The following CDC123 variants were observed in gnomAD, a reference collection of about 807,000 sequenced individuals.
CDC123 encodes the protein translation initiation factor eIF2 assembly protein.
In CDC123, 37 loss-of-function variants were observed where a neutral mutation model predicts 54.4. That is an observed-to-expected ratio of 0.68 (90% confidence interval 0.52 to 0.89). The LOEUF (loss-of-function observed/expected upper bound fraction) is 0.89, where lower values mean the gene tolerates loss of function less well. Ranked by LOEUF, CDC123 falls within the 40% of genes least tolerant of loss-of-function variation. The pLI, the probability that CDC123 is intolerant of heterozygous loss-of-function variation, is 0.00. For missense variants in CDC123, 361 were observed against 412.1 expected (o/e 0.88, Z 1.07); for synonymous variants, 144 against 136.8 (o/e 1.05, Z -0.37).
chr10:12,226,521 C>T (rs1260162379), intron 6 of CDC123, among the ~76,000 whole-genome samples: 1 of 151,066 alleles, frequency 6.6e-6, no homozygotes, highest in Non-Finnish European at 1.5e-5. Context: ...GGCAGAGAGG[C>T]TCCTCACCTC....
At chr10:12,220,594 A>G (rs903348934) in intron 6 of CDC123, among the ~76,000 whole-genome samples, 13 of 152,378 alleles carry the variant, frequency 8.5e-5, no homozygotes, top group Admixed American at 6.5e-4. Context: ...AATCGGTTGC[A>G]TAACAGGAAG....
chr10:12,221,969 A>G (rs1835743422), intron 6 of CDC123, among the ~76,000 whole-genome samples: 2 of 152,120 alleles, frequency 1.3e-5, no homozygotes, highest in South Asian at 4.1e-4. Context: ...GTTAGATGAA[A>G]CACAGGTTCC....
chr10:12,219,909 C>G (rs1835712794), intron 6 of CDC123, among the ~76,000 whole-genome samples: 1 of 152,100 alleles, frequency 6.6e-6, no homozygotes. Flanking sequence ...AGGATGGTCT[C>G]CATCTCCTCA....
chr10:12,236,846 G>T (rs963792323), intron 8 of CDC123, among the ~76,000 whole-genome samples: 1 of 152,110 alleles, frequency 6.6e-6, no homozygotes, highest in African/African-American at 2.4e-5. Flanking sequence ...AGCCGAGATC[G>T]TGCCACTGCA....
intron 10 of CDC123, chr10:12,244,740 A>G (rs1836107341): frequency 6.7e-6 from 1 of 150,150 alleles, no homozygotes; most frequent in Non-Finnish European, 1.5e-5. Flanking sequence ...AGAAAACAGC[A>G]TCTTCAGGCT....
At chr10:12,248,441 G>A (rs1836189371) in intron 11 of CDC123, among the ~76,000 whole-genome samples, 1 of 151,380 alleles carries the variant, frequency 6.6e-6, no homozygotes, top group Non-Finnish European at 1.5e-5. Context: ...CCTGGAAGGC[G>A]GATGTTGCAG....
At chr10:12,210,696 A>G (rs534835108) in intron 4 of CDC123, among the ~76,000 whole-genome samples, 84 of 152,150 alleles carry the variant, frequency 5.5e-4, no homozygotes, top group African/African-American at 1.9e-3. Flanking sequence ...TTAGTTAGTT[A>G]GTTGTTTTGT....
chr10:12,236,286 A>C (rs1180164750), intron 8 of CDC123, among the ~76,000 whole-genome samples: 1 of 152,178 alleles, frequency 6.6e-6, no homozygotes, highest in Non-Finnish European at 1.5e-5. Context: ...AATTCCTTCC[A>C]TTTTACTAAA....
intron 6 of CDC123, among the ~76,000 whole-genome samples, chr10:12,227,072 G>A (rs370142158): frequency 5.1e-4 from 78 of 152,266 alleles, no homozygotes; most frequent in African/African-American, 1.8e-3. Context: ...CCACCAACAC[G>A]GCAAAACCCT....
At chr10:12,206,503 A>G (rs1835520683) in intron 2 of CDC123, among the ~76,000 whole-genome samples, 1 of 152,254 alleles carries the variant, frequency 6.6e-6, no homozygotes, top group South Asian at 2.1e-4. Flanking sequence ...AGCAAGAATT[A>G]CAAAGAGTTG....
chr10:12,225,083 A>G (rs560437319), intron 6 of CDC123, among the ~76,000 whole-genome samples: 5 of 152,070 alleles, frequency 3.3e-5, no homozygotes, highest in African/African-American at 1.2e-4. Context: ...AACTGCAGCT[A>G]CTCCTCAGAA....
At chr10:12,242,901 G>A (rs761017951) in intron 10 of CDC123, among the ~76,000 whole-genome samples, 3 of 151,664 alleles carry the variant, frequency 2.0e-5, no homozygotes, top group Non-Finnish European at 2.9e-5. Context: ...GAGATCGCGC[G>A]ACTGTACTCC....
chr10:12,202,843 C>T (rs1835458822), intron 2 of CDC123, among the ~76,000 whole-genome samples: 1 of 152,196 alleles, frequency 6.6e-6, no homozygotes, highest in Admixed American at 6.5e-5. Context: ...GGCGAAACCA[C>T]ATCTCTACTA....
chr10:12,241,378 A>T (rs1315005649), intron 10 of CDC123, among the ~76,000 whole-genome samples: 4 of 152,152 alleles, frequency 2.6e-5, no homozygotes, highest in Admixed American at 2.6e-4. Context: ...AATTTCAGCC[A>T]TCATTTTAAA....
At chr10:12,216,541 T>G (rs1835667714) in intron 5 of CDC123, among the ~76,000 whole-genome samples, 1 of 152,204 alleles carries the variant, frequency 6.6e-6, no homozygotes, top group African/African-American at 2.4e-5. Flanking sequence ...TTCAAATAGA[T>G]TTGGAAGCTT....
chr10:12,206,002 AT>A (rs1464247201), intron 2 of CDC123, among the ~76,000 whole-genome samples: 1 of 152,106 alleles, frequency 6.6e-6, no homozygotes, highest in Non-Finnish European at 1.5e-5. Context: ...GGGTTTCACT[AT>A]TTTGGCCAGG....
chr10:12,202,735 C>T (rs1357677699), intron 2 of CDC123, among the ~76,000 whole-genome samples: 1 of 152,224 alleles, frequency 6.6e-6, no homozygotes, highest in Non-Finnish European at 1.5e-5. Context: ...ATGTTACAGC[C>T]CTGGTGTGGT....
chr10:12,218,827 G>A (rs1352078631), intron 6 of CDC123, among the ~76,000 whole-genome samples: 3 of 152,194 alleles, frequency 2.0e-5, no homozygotes, highest in Non-Finnish European at 1.5e-5. Flanking sequence ...TGCAGTCAGC[G>A]TTGTAGGTGG....
rs2131776381 is a variant in CDC123, at chr10:12,250,576, C to T, written c.*239C>T. 1 of 449,844 alleles carries T rather than the reference C, an allele frequency of 2.2e-6. No individual in the cohort carries two copies. The highest frequency in any genetic ancestry group is 4.0e-6 in the Non-Finnish European group (1 of 247,034). 27.9% of individuals were successfully genotyped at this position (449,844 alleles called of 1,614,324 possible). A position where few individuals can be genotyped will look rare whatever the true frequency, so the allele number is the denominator to read the frequency against. ...ACCATACTGTTCTGATAATAAAATGCTTTCTATGAAATACGTTGCTTTTCT... is the reference window on the plus strand; with the variant it reads ...ACCATACTGTTCTGATAATAAAATGTTTTCTATGAAATACGTTGCTTTTCT... On this transcript the variant is annotated 3_prime_UTR_variant, in exon 13 of 13. Transcript: ENST00000281141.
Sources: allele counts gnomAD v4.1 joint callset (sites outside exome capture counted in the v4.1 genomes callset), GRCh38; gene constraint gnomAD v4.1.1; transcripts MANE v1.5; gene names NCBI Gene and HGNC (gene_info 2026-07-23, HGNC 2026-07-21).